Variants in ASMT observed in about 807,000 individuals in gnomAD.
ASMT encodes the protein acetylserotonin N-methyltransferase.
ASMT carries 53 observed loss-of-function variants against 41.3 expected under a neutral mutation model. The ratio of observed to expected loss-of-function variants is 1.28; its 90% CI spans 1.03 to 1.61. The LOEUF (loss-of-function observed/expected upper bound fraction) is 1.61. ASMT is among the 40% of genes most tolerant of loss of function. The pLI is 0.00. For missense variants in ASMT, 531 were observed against 441.3 expected (o/e 1.20, Z -1.82); for synonymous variants, 231 against 184.8 (o/e 1.25, Z -2.03).
intron 3 of ASMT, among the ~76,000 whole-genome samples, chrX:1,625,174 G>A (rs1934486939): frequency 1.4e-5 from 2 of 146,280 alleles, no homozygotes; most frequent in Non-Finnish European, 1.5e-5. Context: ...GCGCCATCTC[G>A]GCTCATTGCA....
At chrX:1,622,960 T>C (rs1201380596) in intron 1 of ASMT, 179 bp from the exon 2 acceptor site, 9 of 159,624 alleles carry the variant, frequency 5.6e-5, no homozygotes, top group Admixed American at 6.6e-5. Context: ...TAAATATGAC[T>C]GTTTTCCATA....
chrX:1,636,595 G>T, intron 8 of ASMT, 35 bp downstream of exon 8: 2 of 1,613,712 alleles, frequency 1.2e-6, no homozygotes, highest in Non-Finnish European at 1.7e-6. Flanking sequence ...GCGTGTGCTT[G>T]TGACACGGGG....
At chrX:1,634,977 T>TC (rs1934904929) in intron 7 of ASMT, among the ~76,000 whole-genome samples, 1 of 98,490 alleles carries the variant, frequency 1.0e-5, no homozygotes, top group African/African-American at 6.2e-5. Flanking sequence ...GAGTTAACTC[T>TC]TTTTTTTTTT....
chrX:1,616,771 C>T lies in ASMT; in HGVS notation c.69+1503C>T, dbSNP rs1441173039. 7.5e-4 allele frequency among the ~76,000 whole-genome samples: 113 copies of T among 151,148 alleles called. 2 individuals are homozygous for T. The highest frequency in any genetic ancestry group is 3.7e-3 in the South Asian group (18 of 4,802). ...TCGCCCAGGCTGGAGTGCAATGGCA[C>T]GATCTCGGCTCACTGCAAGCTCCAC... On this transcript the variant is annotated intron_variant, in intron 1 of 8. Coordinates refer to ENST00000381241, the MANE Select transcript of ASMT (RefSeq NM_001171038.2).
chrX:1,634,457 AC>A (rs1177521700), intron 7 of ASMT, among the ~76,000 whole-genome samples: 2 of 152,072 alleles, frequency 1.3e-5, no homozygotes, highest in Admixed American at 1.3e-4. Flanking sequence ...TCCAATCTTC[AC>A]CTCTTCCAGA....
intron 8 of ASMT, among the ~76,000 whole-genome samples, chrX:1,641,518 C>CTGTGTG (rs1305606374): frequency 6.8e-6 from 1 of 147,678 alleles, no homozygotes; most frequent in Admixed American, 7.0e-5. Context: ...AGCACAGCCT[C>CTGTGTG]TGTGTGTGTG....
intron 6 of ASMT, 21 bp downstream of exon 6, chrX:1,632,808 C>T (rs1274657557): frequency 1.1e-5 from 5 of 452,148 alleles, no homozygotes; most frequent in South Asian, 4.4e-5. Flanking sequence ...AACAATGAGA[C>T]CACATGGACA....
chrX:1,615,107 C>T lies in ASMT; in HGVS notation c.-93C>T, dbSNP rs184845645. On this transcript the variant is annotated 5_prime_UTR_variant, in exon 1 of 9. Coordinates refer to ENST00000381241, the MANE Select transcript of ASMT (RefSeq NM_001171038.2). ...GGGAGAGTCAGGCAGCAGCTGTGAG[C>T]GGGTGGCTCTTCCCCACCTTGCCAG... is the stretch of plus-strand genomic sequence containing the variant. 1.9e-4 allele frequency: 203 copies of T among 1,069,660 alleles called. No individual in the cohort carries two copies. Among genetic ancestry groups the T allele is most frequent in the African/African-American group, 7.0e-4 (45 of 64,648 alleles). 66.3% of individuals were successfully genotyped at this position (1,069,660 alleles called of 1,614,324 possible). A position where few individuals can be genotyped will look rare whatever the true frequency, so the allele number is the denominator to read the frequency against.
intron 8 of ASMT, 141 bp downstream of exon 8, chrX:1,636,701 C>T (rs1216651794): frequency 8.8e-5 from 114 of 1,290,916 alleles, no homozygotes; most frequent in African/African-American, 5.3e-4. Flanking sequence ...TTTTAGATAA[C>T]GACCTGAAAT....
rs183681190 is a variant in ASMT at position 1,621,717 on chromosome X, C to T, written c.70-1422C>T. 1.7e-4 allele frequency among the ~76,000 whole-genome samples: 25 copies of T among 150,742 alleles called. No homozygotes were observed. The East Asian group carries it at 2.4e-3, about 15-fold the overall frequency. ...GTATTTATTTATTTATCTATTGAGA[C>T]GGAGTTTCGCTCTTGTTGCCCAGGC... On this transcript the variant is annotated intron_variant, in intron 1 of 8. Coordinates refer to ENST00000381241, the MANE Select transcript of ASMT (RefSeq NM_001171038.2).
Position 1,629,886 on chromosome X carries a change from G to A in ASMT, c.509G>A (p.Ser170Asn), listed in dbSNP as rs776420928. Reference protein sequence around the residue: ...LQEVWSVNGRSVLTAFDLSVF... With the variant: ...LQEVWSVNGRNVLTAFDLSVF... Reference sequence around the variant, plus strand: ...GAGGTCTGGAGCGTCAACGGGAGAAGCGTGCTGACCGCCTTTGACCTGTCA... The same window carrying A: ...GAGGTCTGGAGCGTCAACGGGAGAAACGTGCTGACCGCCTTTGACCTGTCA... Residue 170 changes from serine (S) to asparagine (N), a missense_variant, in exon 5 of 9, where the codon AGC (serine) becomes AAC (asparagine). Transcript: ENST00000381241. 7.4e-6 allele frequency: 12 copies of A among 1,614,012 alleles called. No individual in the cohort carries two copies. The highest frequency in any genetic ancestry group is 1.7e-4 in the Middle Eastern group (1 of 6,056).
chrX:1,642,915 C>G lies in ASMT; in HGVS notation c.1023C>G (p.Thr341=). Reference sequence around the variant, plus strand: ...TGCAGACGGAAGGGCAGGAGAGGACCCCCACCCACTACCACATGCTCCTCT... The same window carrying G: ...TGCAGACGGAAGGGCAGGAGAGGACGCCCACCCACTACCACATGCTCCTCT... ...MLVQTEGQER[T]PTHYHMLLSS... The change falls in exon 9 of 9, where the codon ACC becomes ACG. Residue 341 remains threonine, a synonymous_variant. Transcript: ENST00000381241. 2 of 1,613,940 alleles carry G rather than the reference C, an allele frequency of 1.2e-6. No individual in the cohort carries two copies. Among genetic ancestry groups the G allele is most frequent in the Non-Finnish European group, 1.7e-6 (2 of 1,179,868 alleles).
intron 4 of ASMT, chrX:1,628,028 A>G (rs1934621894): frequency 3.5e-6 from 2 of 576,840 alleles, no homozygotes; most frequent in African/African-American, 1.9e-5. Context: ...TATGTAGAAA[A>G]TGGAGGCACG....
chrX:1,636,669 A>T lies in ASMT; in HGVS notation c.910+109A>T, dbSNP rs774065117. 125 of 1,533,960 alleles carry T rather than the reference A, an allele frequency of 8.1e-5. 2 individuals are homozygous for T. In the South Asian group the frequency reaches 1.4e-3, roughly 17 times the overall value. On this transcript the variant is annotated intron_variant, in intron 8 of 8. Transcript: ENST00000381241. Reference sequence around the variant, plus strand: ...AATCATCCCACAGGTAAGGGTAGACATCCTGCCCAATATGGCTTTCCTTTT... The same window carrying T: ...AATCATCCCACAGGTAAGGGTAGACTTCCTGCCCAATATGGCTTTCCTTTT...
chrX:1,635,861 T>TCAAACAAA (rs765118375), intron 7 of ASMT, among the ~76,000 whole-genome samples: 1,778 of 150,484 alleles, frequency 0.012, 39 homozygotes, highest in African/African-American at 0.041. Flanking sequence ...AAACTCCATC[T>TCAAACAAA]CAAACAAACA....
At chrX:1,618,119 C>T in intron 1 of ASMT, among the ~76,000 whole-genome samples, 1 of 150,110 alleles carries the variant, frequency 6.7e-6, no homozygotes, top group South Asian at 2.1e-4. Context: ...CCTGGGATTA[C>T]AGGTGCCTGC....
At chrX:1,618,864 G>A (rs1186237811) in intron 1 of ASMT, among the ~76,000 whole-genome samples, 3 of 152,186 alleles carry the variant, frequency 2.0e-5, no homozygotes, top group Non-Finnish European at 4.4e-5. Flanking sequence ...AAAGACTGTC[G>A]CTGGTTCACA....
intron 7 of ASMT, among the ~76,000 whole-genome samples, chrX:1,634,380 C>T (rs1333834279): frequency 6.6e-6 from 1 of 152,196 alleles, no homozygotes; most frequent in Non-Finnish European, 1.5e-5. Flanking sequence ...CCTCCGCAAT[C>T]CCTGACATCC....
chrX:1,616,391 G>C (rs746842422), intron 1 of ASMT, among the ~76,000 whole-genome samples: 14 of 151,524 alleles, frequency 9.2e-5, no homozygotes, highest in Admixed American at 4.6e-4. Flanking sequence ...GAAATGTGCA[G>C]AGCAGGCAAA....
Sources: allele counts gnomAD v4.1 joint callset (sites outside exome capture counted in the v4.1 genomes callset), GRCh38; gene constraint gnomAD v4.1.1; transcripts MANE v1.5; gene names NCBI Gene and HGNC (gene_info 2026-07-23, HGNC 2026-07-21).